CACNG2: variants seen among roughly 807,000 people sequenced by gnomAD.
CACNG2 encodes voltage-dependent calcium channel gamma-2 subunit.
Under a neutral mutation model 25.9 loss-of-function variants are expected in CACNG2, and 3 were observed. The observed-to-expected ratio is 0.12, with a 90% CI of 0.05 to 0.30. CACNG2 has a LOEUF of 0.30. Among genes scored for constraint, CACNG2 ranks in the 10% least tolerant of loss-of-function variants. CACNG2 has a pLI of 1.00. For missense variants in CACNG2, 341 were observed against 432.5 expected (o/e 0.79, Z 1.88); for synonymous variants, 167 against 173.3 (o/e 0.96, Z 0.29).
At chr22:36,702,083 C>G (rs1478478260) in intron 1 of CACNG2, among the ~76,000 whole-genome samples, 29 of 152,046 alleles carry the variant, frequency 1.9e-4, no homozygotes, top group Admixed American at 1.9e-3. Context: ...ACACCTTTGA[C>G]TTTTAGAGAC....
At chr22:36,595,417 G>A (rs1018922204) in intron 1 of CACNG2, among the ~76,000 whole-genome samples, 3 of 152,192 alleles carry the variant, frequency 2.0e-5, no homozygotes, top group Non-Finnish European at 2.9e-5. Flanking sequence ...CACACCATGG[G>A]AACCCACGGC....
intron 2 of CACNG2, among the ~76,000 whole-genome samples, chr22:36,587,000 G>T (rs1935516971): frequency 6.6e-6 from 1 of 151,510 alleles, no homozygotes. Context: ...GCACTGCCTG[G>T]TGGGTTACTT....
chr22:36,601,976 G>A (rs575950671), intron 1 of CACNG2, among the ~76,000 whole-genome samples: 4 of 152,116 alleles, frequency 2.6e-5, no homozygotes, highest in East Asian at 1.9e-4. Flanking sequence ...CACCCTCGCC[G>A]ACACTCGTTA....
At chr22:36,607,772 T>C (rs1221504743) in intron 1 of CACNG2, among the ~76,000 whole-genome samples, 1 of 152,180 alleles carries the variant, frequency 6.6e-6, no homozygotes, top group African/African-American at 2.4e-5. Context: ...GCCTGTCACA[T>C]AGAACCAGGA....
intron 2 of CACNG2, among the ~76,000 whole-genome samples, chr22:36,570,003 C>T (rs1227788646): frequency 6.6e-6 from 1 of 152,242 alleles, no homozygotes; most frequent in Non-Finnish European, 1.5e-5. Flanking sequence ...AGGCTCTGGC[C>T]TTCCCCCTCC....
chr22:36,632,185 TAA>T lies in CACNG2; in HGVS notation c.212-44639_212-44638del, dbSNP rs912514361. On this transcript the variant is annotated intron_variant, in intron 1 of 3. Coordinates refer to ENST00000300105, the MANE Select transcript of CACNG2 (RefSeq NM_006078.5). ...TGACCTATTTTCTGACTTTTTTTTT[TAA>T]AAAAATGAGAATCCATTTTATGTCG... Among the ~76,000 whole-genome samples, 32 of 150,116 alleles carry T rather than the reference TAA, an allele frequency of 2.1e-4. No homozygotes were observed. The South Asian group carries it at 6.1e-3, about 28-fold the overall frequency.
chr22:36,625,173 G>T (rs1159648172), intron 1 of CACNG2, among the ~76,000 whole-genome samples: 8 of 152,112 alleles, frequency 5.3e-5, no homozygotes, highest in Non-Finnish European at 8.8e-5. Context: ...GCAGGGGAAT[G>T]CAGGACGTTT....
At chr22:36,580,032 T>C (rs920658306) in intron 2 of CACNG2, among the ~76,000 whole-genome samples, 2 of 152,254 alleles carry the variant, frequency 1.3e-5, no homozygotes, top group African/African-American at 2.4e-5. Context: ...ACACGGATTG[T>C]GGCGAATGCC....
At chr22:36,691,104 A>G (rs1213171340) in intron 1 of CACNG2, among the ~76,000 whole-genome samples, 1 of 152,216 alleles carries the variant, frequency 6.6e-6, no homozygotes, top group Non-Finnish European at 1.5e-5. Context: ...TTTGTTGAAG[A>G]AATAGATGAG....
chr22:36,620,177 G>A (rs553708197), intron 1 of CACNG2, among the ~76,000 whole-genome samples: 10 of 152,192 alleles, frequency 6.6e-5, no homozygotes, highest in Non-Finnish European at 1.2e-4. Flanking sequence ...CTGTGACTTC[G>A]CTCAGATTAC....
At chr22:36,631,497 G>A (rs1936270362) in intron 1 of CACNG2, among the ~76,000 whole-genome samples, 1 of 152,116 alleles carries the variant, frequency 6.6e-6, no homozygotes, top group East Asian at 1.9e-4. Context: ...ACCTATCCCT[G>A]AGCAATAATT....
At chr22:36,694,571 T>C (rs1040384545) in intron 1 of CACNG2, among the ~76,000 whole-genome samples, 1 of 152,256 alleles carries the variant, frequency 6.6e-6, no homozygotes, top group South Asian at 2.1e-4. Flanking sequence ...TTGTAAAATA[T>C]GCCAAGAATC....
At chr22:36,631,737 C>A (rs1259180176) in intron 1 of CACNG2, among the ~76,000 whole-genome samples, 1 of 115,390 alleles carries the variant, frequency 8.7e-6, no homozygotes, top group Non-Finnish European at 2.0e-5. Context: ...GTGAGCAACT[C>A]TTTTTTTTTT....
At chr22:36,644,572 T>C (rs956550981) in intron 1 of CACNG2, among the ~76,000 whole-genome samples, 2 of 152,200 alleles carry the variant, frequency 1.3e-5, no homozygotes, top group African/African-American at 4.8e-5. Flanking sequence ...ATGTGGCAAT[T>C]TGTAAGCGTT....
intron 1 of CACNG2, 85 bp downstream of exon 1, chr22:36,702,281 G>A: frequency 1.2e-6 from 1 of 819,012 alleles, no homozygotes; most frequent in Non-Finnish European, 2.0e-6. Flanking sequence ...AATGTAAAGG[G>A]GACTTATTTG....
At chr22:36,616,223 G>T (rs1936020212) in intron 1 of CACNG2, among the ~76,000 whole-genome samples, 1 of 152,198 alleles carries the variant, frequency 6.6e-6, no homozygotes, top group Admixed American at 6.5e-5. Flanking sequence ...TTGGTGTGAT[G>T]CTTAGAGAAG....
intron 1 of CACNG2, among the ~76,000 whole-genome samples, chr22:36,655,920 G>A (rs1410627144): frequency 6.6e-6 from 1 of 151,558 alleles, no homozygotes; most frequent in African/African-American, 2.4e-5. Flanking sequence ...CAATTCTCCT[G>A]CCTCAGCCTC....
intron 1 of CACNG2, among the ~76,000 whole-genome samples, chr22:36,637,659 G>C (rs181220154): frequency 6.6e-6 from 1 of 152,266 alleles, no homozygotes; most frequent in East Asian, 1.9e-4. Context: ...AGAAACCAAG[G>C]CTTCAAGAGG....
chr22:36,567,441 G>A (rs1939681398), intron 2 of CACNG2, among the ~76,000 whole-genome samples: 1 of 152,148 alleles, frequency 6.6e-6, no homozygotes, highest in Non-Finnish European at 1.5e-5. Context: ...GGTCCAGAAG[G>A]AAGGAACAGG....
Sources: allele counts gnomAD v4.1 joint callset (sites outside exome capture counted in the v4.1 genomes callset), GRCh38; gene constraint gnomAD v4.1.1; transcripts MANE v1.5; gene names NCBI Gene and HGNC (gene_info 2026-07-23, HGNC 2026-07-21).